The following HECTD4 variants were observed in gnomAD, a reference collection of about 807,000 sequenced individuals.
The protein encoded by HECTD4 is HECT domain E3 ubiquitin protein ligase 4, also known as probable E3 ubiquitin-protein ligase HECTD4.
HECTD4 carries 114 observed loss-of-function variants against 471.5 expected under a neutral mutation model. The ratio of observed to expected loss-of-function variants is 0.24; its 90% CI spans 0.21 to 0.28. The LOEUF (loss-of-function observed/expected upper bound fraction) is 0.28. HECTD4 is among the 10% of genes least tolerant of loss of function. The pLI, the probability that HECTD4 is intolerant of heterozygous loss-of-function variation, is 1.00. For missense variants in HECTD4, 3,866 were observed against 5,651.5 expected (o/e 0.68, Z 10.13); for synonymous variants, 2,012 against 2,256.0 (o/e 0.89, Z 3.07).
At chr12:112,323,198 C>A in intron 1 of HECTD4, 1 of 153,132 alleles carries the variant, frequency 6.5e-6, no homozygotes, top group Non-Finnish European at 1.5e-5. Flanking sequence ...GTAGTGAGAC[C>A]TTGTCTCTAA....
rs557493113 is a variant in HECTD4, at chr12:112,182,488, C to T, written c.10987+571G>A. 1.6e-4 allele frequency among the ~76,000 whole-genome samples: 24 copies of T among 152,070 alleles called. 1 individual carries two copies. In the East Asian group the frequency reaches 2.9e-3, roughly 18 times the overall value. ...AATGGGACTTCGGAGAAAAAAGGGA[C>T]GGAACTGTTTCTTTCCCAGGAGTCA... On this transcript the variant is annotated intron_variant, in intron 62 of 75. Coordinates refer to ENST00000682272, the MANE Select transcript of HECTD4 (RefSeq NM_001388303.1).
intron 48 of HECTD4, among the ~76,000 whole-genome samples, chr12:112,214,710 C>T (rs2032864913): frequency 6.6e-6 from 1 of 151,914 alleles, no homozygotes. Flanking sequence ...TACCACCCAC[C>T]CCCTGACATA....
chr12:112,260,479 A>G (rs2034118852), intron 18 of HECTD4, among the ~76,000 whole-genome samples: 1 of 152,224 alleles, frequency 6.6e-6, no homozygotes, highest in Non-Finnish European at 1.5e-5. Context: ...TTACGGAAGC[A>G]AAAATTACAC....
At chr12:112,167,731 T>C in intron 71 of HECTD4, 83 bp downstream of exon 71, 1 of 1,295,026 alleles carries the variant, frequency 7.7e-7, no homozygotes, top group Non-Finnish European at 1.1e-6. Context: ...TTGGCTTTGA[T>C]GAGACACACA....
chr12:112,325,813 GT>G (rs112407518), intron 1 of HECTD4, among the ~76,000 whole-genome samples: 6,343 of 143,066 alleles, frequency 0.044, 248 homozygotes, highest in African/African-American at 0.11. Flanking sequence ...TTTTGTTGCC[GT>G]TTTTTTTTTT....
Position 112,161,257 on chromosome 12 carries a change from T to TGCTCTGGG in HECTD4, c.*1129_*1130insCCCAGAGC, listed in dbSNP as rs2030677826. The TGCTCTGGG allele has an allele frequency of 6.6e-6, 1 of 151,642 alleles. No individual in the cohort carries two copies. The highest frequency in any genetic ancestry group is 2.4e-5 in the African/African-American group (1 of 41,176). The allele number at this position is 151,642 out of a possible 1,614,324, so 9.4% of individuals were successfully genotyped here. A position where few individuals can be genotyped will look rare whatever the true frequency, so the allele number is the denominator to read the frequency against. Reference sequence around the variant, plus strand: ...GACAAAGACCTATTTGGGGCAAAGATGCAGTGGGTGAGCCTGGAGGCAGCT... The same window carrying TGCTCTGGG: ...GACAAAGACCTATTTGGGGCAAAGATGCTCTGGGGCAGTGGGTGAGCCTGGAGGCAGCT... On this transcript the variant is annotated 3_prime_UTR_variant, in exon 76 of 76. Coordinates refer to ENST00000682272, the MANE Select transcript of HECTD4 (RefSeq NM_001388303.1).
Position 112,231,657 on chromosome 12 carries a change from T to C in HECTD4, c.6056A>G (p.Lys2019Arg), listed in dbSNP as rs767901434. The change falls in exon 39 of 76, where the codon AAG becomes AGG. Residue 2019 changes from lysine to arginine, a missense_variant. Lys to Arg is a conservative substitution (Grantham distance 26). Around this residue, in one of 16 missense-constraint regions of HECTD4, gnomAD observed 617 missense variants for 915.1 expected, o/e 0.67. Transcript: ENST00000682272. ...GACGATGAGGCCTGACTGTGCCCAC[T>C]TGGTGGCTTTCCGCAGGGCGGCTGC... The part of the protein sequence containing the change: ...EAAAALRKAT[K>R]WAQSGLIVSI... 2 of 1,613,742 alleles carry C rather than the reference T, an allele frequency of 1.2e-6. No individual in the cohort carries two copies. Among genetic ancestry groups the C allele is most frequent in the Admixed American group, 3.3e-5 (2 of 60,016 alleles).
chr12:112,220,690 G>A (rs1195292751), intron 44 of HECTD4, among the ~76,000 whole-genome samples: 15 of 152,086 alleles, frequency 9.9e-5, no homozygotes, highest in African/African-American at 2.9e-4. Flanking sequence ...CCAGCTACTC[G>A]GGAGGGTGAG....
At position 112,192,680 on chromosome 12, in the gene HECTD4, T is replaced by A. The variant is rs1451669716; in HGVS notation, c.9172A>T (p.Ile3058Phe). ...TCCCGCGGGTAACAGGCGGCCTCGA[T>A]GAGGTTCAGCTGGCCATTTCGCTTC... ...KVKRNGQLNL[I>F]EAACYPRDAS... Residue 3058 changes from isoleucine (I) to phenylalanine (F), a missense_variant, in exon 59 of 76, where the codon ATC (isoleucine) becomes TTC (phenylalanine). By Grantham distance (21) the Ile-to-Phe change is conservative. Transcript: ENST00000682272. 1 of 1,604,120 alleles carries A rather than the reference T, an allele frequency of 6.2e-7. No individual in the cohort carries two copies. Among genetic ancestry groups the A allele is most frequent in the Non-Finnish European group, 8.5e-7 (1 of 1,175,736 alleles).
At chr12:112,175,249 A>G (rs1039292759) in intron 66 of HECTD4, among the ~76,000 whole-genome samples, 2 of 152,200 alleles carry the variant, frequency 1.3e-5, no homozygotes, top group African/African-American at 4.8e-5. Context: ...ATTCAGGTTA[A>G]AAGAGGTCAT....
intron 1 of HECTD4, among the ~76,000 whole-genome samples, chr12:112,371,268 A>G (rs1370440271): frequency 2.6e-5 from 4 of 152,308 alleles, no homozygotes; most frequent in South Asian, 2.1e-4. Flanking sequence ...CCACACTGCA[A>G]ACAAATTGAG....
chr12:112,361,828 C>T (rs1382358978), intron 1 of HECTD4, among the ~76,000 whole-genome samples: 1 of 152,140 alleles, frequency 6.6e-6, no homozygotes, highest in Non-Finnish European at 1.5e-5. Flanking sequence ...TGAATGTTAA[C>T]GTGTATTCCA....
intron 1 of HECTD4, among the ~76,000 whole-genome samples, chr12:112,374,409 T>C (rs76677127): frequency 6.6e-6 from 1 of 152,210 alleles, no homozygotes; most frequent in Non-Finnish European, 1.5e-5. Flanking sequence ...CAATCCCAGT[T>C]TGACTCTTTA....
In HECTD4 at chr12:112,184,239, A is replaced by G; in HGVS notation, c.10727T>C (p.Leu3576Pro). ...DMGSMYTVTS[L>P]DNQPLAARPI... ...GCGGGCGGCGAGGGGCTGGTTGTCC[A>G]GGGAAGTGACTGTGTACATGGAGCC... The change falls in exon 61 of 76, where the codon CTG (leucine) becomes CCG (proline). Residue 3576 changes from leucine (L) to proline (P), a missense_variant. Physicochemically the swap from Leu to Pro is moderately conservative, Grantham distance 98. Coordinates refer to ENST00000682272, the MANE Select transcript of HECTD4 (RefSeq NM_001388303.1). The surrounding 1 kb of genome is among the most constrained non-coding windows in gnomAD (Gnocchi z 9.1). The G allele has an allele frequency of 6.2e-7, 1 of 1,613,424 alleles. No homozygotes were observed. The highest frequency in any genetic ancestry group is 1.7e-5 in the Admixed American group (1 of 60,008).
chr12:112,378,606 T>C (rs995255914), intron 1 of HECTD4, among the ~76,000 whole-genome samples: 13 of 152,250 alleles, frequency 8.5e-5, no homozygotes, highest in Admixed American at 2.0e-4. Context: ...TTCCTCATAA[T>C]CCGAAAGTGT....
chr12:112,336,289 C>A (rs1268528607), intron 1 of HECTD4, among the ~76,000 whole-genome samples: 1 of 151,936 alleles, frequency 6.6e-6, no homozygotes, highest in Non-Finnish European at 1.5e-5. Flanking sequence ...TTTGGGAGGC[C>A]GAGGCAGGTG....
chr12:112,216,775 A>G lies in HECTD4; in HGVS notation c.7383T>C (p.His2461=). ...ACTGAGCTACTTCTTTTACTTACTT[A>G]TGGAAAAGACAAGTGCCCACTGGAT... ...WTNPVGTCLF[H]NNGRAVHYNG... The change falls in exon 47 of 76, where the codon CAT becomes CAC. Residue 2461 remains histidine (H), a splice_region_variant and synonymous_variant. Coordinates refer to ENST00000682272, the MANE Select transcript of HECTD4 (RefSeq NM_001388303.1). 2 of 1,613,024 alleles carry G rather than the reference A, an allele frequency of 1.2e-6. No homozygotes were observed. Among genetic ancestry groups the G allele is most frequent in the Non-Finnish European group, 1.7e-6 (2 of 1,179,100 alleles).
intron 7 of HECTD4, among the ~76,000 whole-genome samples, chr12:112,296,431 A>C (rs929811106): frequency 6.6e-6 from 1 of 151,260 alleles, no homozygotes; most frequent in Non-Finnish European, 1.5e-5. Flanking sequence ...CAGAGGGTGT[A>C]GGTGCAGTGG....
At chr12:112,309,900 G>C (rs1476057031) in intron 4 of HECTD4, among the ~76,000 whole-genome samples, 2 of 152,086 alleles carry the variant, frequency 1.3e-5, no homozygotes, top group African/African-American at 4.8e-5. Context: ...TACCAGCAGG[G>C]GAATGTGGTT....
Sources: gnomAD v4.1 joint callset for allele counts (sites outside exome capture counted in the v4.1 genomes callset) on GRCh38, gnomAD v4.1.1 for gene constraint, gnomAD v4.1.1 regional missense constraint, Gnocchi (gnomAD v3.1) non-coding constraint, MANE v1.5 for transcripts, NCBI Gene and HGNC (gene_info 2026-07-23, HGNC 2026-07-21) for gene names.